Variants in VAV3 observed in about 807,000 individuals in gnomAD.
VAV3 encodes the protein guanine nucleotide exchange factor VAV3.
VAV3 carries 94 observed loss-of-function variants against 131.2 expected under a neutral mutation model. The observed-to-expected ratio is 0.72, with a 90% CI of 0.61 to 0.85. The LOEUF is 0.85. VAV3 is among the 40% of genes least tolerant of loss of function. VAV3 has a pLI of 0.00. For synonymous variants in VAV3, 349 were observed against 342.0 expected, an observed-to-expected ratio of 1.02 and a Z score of -0.22; for missense variants, 939 against 1,002.7, an observed-to-expected ratio of 0.94 and a Z score of 0.86.
At chr1:107,642,324 C>G (rs1326107693) in intron 20 of VAV3, among the ~76,000 whole-genome samples, 1 of 152,126 alleles carries the variant, frequency 6.6e-6, no homozygotes, top group Non-Finnish European at 1.5e-5. Context: ...AGCACCATGA[C>G]AGTTTACAAA....
intron 24 of VAV3, among the ~76,000 whole-genome samples, chr1:107,602,056 T>C (rs1651909032): frequency 6.6e-6 from 1 of 152,104 alleles, no homozygotes; most frequent in Non-Finnish European, 1.5e-5. Context: ...TTTTGTGTTA[T>C]AATTTAAAAT....
chr1:107,704,233 G>A (rs1472254307), intron 17 of VAV3, among the ~76,000 whole-genome samples: 1 of 151,914 alleles, frequency 6.6e-6, no homozygotes, highest in East Asian at 1.9e-4. Context: ...TATTTTTTCG[G>A]CTATGTTTGT....
chr1:107,669,599 T>C, intron 19 of VAV3: 1 of 1,121,134 alleles, frequency 8.9e-7, no homozygotes, highest in Non-Finnish European at 1.1e-6. Flanking sequence ...AGCCTCCTTT[T>C]CTTGCACAAC....
At chr1:107,615,196 C>G (rs1396716748) in intron 21 of VAV3, among the ~76,000 whole-genome samples, 2 of 152,044 alleles carry the variant, frequency 1.3e-5, no homozygotes, top group Admixed American at 6.6e-5. Flanking sequence ...TTTGACAAAG[C>G]TGACAAAAAC....
intron 3 of VAV3, 148 bp from the exon 4 acceptor site, chr1:107,777,444 G>T (rs751019990): frequency 8.2e-6 from 6 of 728,600 alleles, no homozygotes; most frequent in Non-Finnish European, 1.4e-5. Context: ...AATATCTAGG[G>T]CTTTCCCTAA....
chr1:107,785,519 G>A (rs771387957), intron 2 of VAV3: 1 of 1,293,674 alleles, frequency 7.7e-7, no homozygotes, highest in South Asian at 1.3e-5. Flanking sequence ...AATGCAAGAC[G>A]AGCTTGGGGG....
At chr1:107,670,555 C>T (rs767342006) in intron 19 of VAV3, among the ~76,000 whole-genome samples, 2 of 151,754 alleles carry the variant, frequency 1.3e-5, no homozygotes, top group Non-Finnish European at 2.9e-5. Context: ...TCTTGTGCTT[C>T]GATGGTGATT....
At chr1:107,660,232 CCA>C (rs1424071042) in intron 19 of VAV3, among the ~76,000 whole-genome samples, 19 of 152,164 alleles carry the variant, frequency 1.2e-4, no homozygotes, top group African/African-American at 4.6e-4. Context: ...CAGACCTTTC[CCA>C]CAGAGTCATT....
intron 25 of VAV3, among the ~76,000 whole-genome samples, chr1:107,594,490 T>TA (rs35785523): frequency 6.6e-6 from 1 of 152,112 alleles, no homozygotes; most frequent in Non-Finnish European, 1.5e-5. Context: ...CAGAATCTCT[T>TA]AAAAAGACTG....
intron 14 of VAV3, 41 bp downstream of exon 14, chr1:107,749,421 G>C (rs1663562563): frequency 6.4e-7 from 1 of 1,558,680 alleles, no homozygotes; most frequent in Non-Finnish European, 8.6e-7. Context: ...TAATGTTCAA[G>C]ATTATAAGTA....
chr1:107,641,363 T>C (rs2101495121), intron 20 of VAV3, among the ~76,000 whole-genome samples: 1 of 152,352 alleles, frequency 6.6e-6, no homozygotes, highest in Admixed American at 6.5e-5. Flanking sequence ...CACATTTCAC[T>C]CGTGATAACC....
intron 26 of VAV3, 73 bp downstream of exon 26, chr1:107,573,974 G>A: frequency 6.4e-7 from 1 of 1,570,908 alleles, no homozygotes; most frequent in African/African-American, 1.3e-5. Flanking sequence ...TCTCCCTGGT[G>A]CCACAATGGG....
chr1:107,958,563 A>G (rs1674926091), intron 1 of VAV3, among the ~76,000 whole-genome samples: 1 of 152,232 alleles, frequency 6.6e-6, no homozygotes, highest in African/African-American at 2.4e-5. Context: ...TCTAAGTTCA[A>G]GTGGTATTCA....
intron 2 of VAV3, among the ~76,000 whole-genome samples, chr1:107,793,203 GC>G (rs751616638): frequency 2.9e-4 from 44 of 152,058 alleles, no homozygotes; most frequent in Non-Finnish European, 5.7e-4. Flanking sequence ...AAAGAAACTT[GC>G]CCATGGTCAC....
rs1553210389 is a variant in VAV3 at position 107,796,804 on chromosome 1, A to AAT, written c.322-17314_322-17313dup. Among the ~76,000 whole-genome samples the AAT allele has an allele frequency of 9.9e-4, 143 of 144,452 alleles. No homozygotes were observed. In the East Asian group the frequency reaches 0.016, roughly 16 times the overall value. The allele number at this position is 144,452 out of a possible 152,430, so 94.8% of individuals were successfully genotyped here. A position where few individuals can be genotyped will look rare whatever the true frequency, so the allele number is the denominator to read the frequency against. On this transcript the variant is annotated intron_variant, in intron 2 of 26. Coordinates refer to ENST00000370056, the MANE Select transcript of VAV3 (RefSeq NM_006113.5). ...GCTGTTATTTGTAAAAAAAAAAAAA[A>AAT]ATATATATATATATGCAAATTTACC...
At chr1:107,908,087 C>T (rs923440857) in intron 1 of VAV3, among the ~76,000 whole-genome samples, 1 of 152,202 alleles carries the variant, frequency 6.6e-6, no homozygotes, top group South Asian at 2.1e-4. Flanking sequence ...CATCCCTATA[C>T]TTTCAAGCTC....
chr1:107,612,744 C>T lies in VAV3; in HGVS notation c.1981-2779G>A, dbSNP rs137890754. Among the ~76,000 whole-genome samples the T allele has an allele frequency of 2.0e-3, 303 of 152,220 alleles. 2 individuals carry two copies. Among genetic ancestry groups the T allele is most frequent in the East Asian group, 6.9e-3 (36 of 5,186 alleles). ...AACCTGGCTTTCCTTAAAGTTTATA[C>T]ACAGAATTTGAGGTTTCCTCTCTCT... On this transcript the variant is annotated intron_variant, in intron 21 of 26. Transcript: ENST00000370056.
intron 2 of VAV3, among the ~76,000 whole-genome samples, chr1:107,820,620 A>G (rs1667758639): frequency 6.6e-6 from 1 of 152,190 alleles, no homozygotes. Flanking sequence ...TATAATTGGA[A>G]TATTTATAAC....
At chr1:107,813,118 C>CAAAA (rs11310564) in intron 2 of VAV3, among the ~76,000 whole-genome samples, 4 of 133,258 alleles carry the variant, frequency 3.0e-5, no homozygotes, top group Non-Finnish European at 4.8e-5. Flanking sequence ...GACTCCGTCT[C>CAAAA]AAAAAAAAAA....
Sources: allele counts gnomAD v4.1 joint callset (sites outside exome capture counted in the v4.1 genomes callset), GRCh38; gene constraint gnomAD v4.1.1; transcripts MANE v1.5; gene names NCBI Gene and HGNC (gene_info 2026-07-23, HGNC 2026-07-21).